The following KCNN2 variants were observed in gnomAD, a reference collection of about 807,000 sequenced individuals.
KCNN2 encodes the protein small conductance calcium-activated potassium channel protein 2.
A neutral mutation model predicts 55.5 loss-of-function variants in KCNN2; 24 were observed. The ratio of observed to expected loss-of-function variants is 0.43; its 90% CI spans 0.31 to 0.61. The LOEUF is 0.61. Ranked by LOEUF, KCNN2 falls within the 20% of genes least tolerant of loss-of-function variation. KCNN2 has a pLI of 0.08. For missense variants in KCNN2, 754 were observed against 853.6 expected, an observed-to-expected ratio of 0.88 and a Z score of 1.45; for synonymous variants, 431 against 336.1, an observed-to-expected ratio of 1.28 and a Z score of -3.09.
At chr5:114,184,504 T>A (rs1753293781) in intron 1 of KCNN2, among the ~76,000 whole-genome samples, 1 of 152,192 alleles carries the variant, frequency 6.6e-6, no homozygotes, top group Non-Finnish European at 1.5e-5. Flanking sequence ...TTCAGAAAAG[T>A]TTGTCATGCT....
At chr5:114,309,855 C>CTA (rs1756362304) in intron 2 of KCNN2, among the ~76,000 whole-genome samples, 2 of 152,078 alleles carry the variant, frequency 1.3e-5, no homozygotes, top group Admixed American at 1.3e-4. Flanking sequence ...TACAGATAGT[C>CTA]TAGAGTCCAA....
At chr5:114,464,809 T>TA (rs36172859) in intron 4 of KCNN2, among the ~76,000 whole-genome samples, 1,559 of 129,900 alleles carry the variant, frequency 0.012, 18 homozygotes, top group African/African-American at 0.033. Flanking sequence ...TAGTGAACTT[T>TA]AAAAAAAAAA....
intron 4 of KCNN2, among the ~76,000 whole-genome samples, chr5:114,463,526 G>A (rs1395589740): frequency 6.6e-6 from 1 of 152,200 alleles, no homozygotes; most frequent in East Asian, 1.9e-4. Context: ...GCAAATTTGA[G>A]TAAATTGTAA....
chr5:114,255,550 TA>T (rs1754964844), intron 2 of KCNN2, among the ~76,000 whole-genome samples: 1 of 152,198 alleles, frequency 6.6e-6, no homozygotes, highest in Non-Finnish European at 1.5e-5. Context: ...AGGAGCCAGA[TA>T]AGGCAGGGCC....
At chr5:114,164,570 G>A (rs956888234) in intron 1 of KCNN2, among the ~76,000 whole-genome samples, 1 of 152,054 alleles carries the variant, frequency 6.6e-6, no homozygotes, top group Non-Finnish European at 1.5e-5. Context: ...CCAAATTCAA[G>A]TTATCCAACA....
intron 1 of KCNN2, 83 bp downstream of exon 1, chr5:114,363,344 C>CG: frequency 7.0e-7 from 1 of 1,427,390 alleles, no homozygotes; most frequent in Non-Finnish European, 9.2e-7. Flanking sequence ...CCTTTGCGTG[C>CG]GGATCCCTAG....
At chr5:114,348,985 C>T (rs1225499795) in intron 2 of KCNN2, among the ~76,000 whole-genome samples, 1 of 128,254 alleles carries the variant, frequency 7.8e-6, no homozygotes, top group African/African-American at 2.5e-5. Flanking sequence ...AGTTACATAA[C>T]CATCACCACA....
intron 2 of KCNN2, among the ~76,000 whole-genome samples, chr5:114,320,246 C>G (rs1208156228): frequency 6.6e-6 from 1 of 152,020 alleles, no homozygotes. Context: ...CAGCCATGTC[C>G]CAGACCTTTT....
At chr5:114,405,809 C>A (rs1262544631) in intron 3 of KCNN2, among the ~76,000 whole-genome samples, 1 of 151,604 alleles carries the variant, frequency 6.6e-6, no homozygotes, top group Non-Finnish European at 1.5e-5. Flanking sequence ...CTCCCAGGTT[C>A]ACACCATTCT....
At chr5:114,389,394 G>C (rs1386969492) in intron 2 of KCNN2, among the ~76,000 whole-genome samples, 1 of 152,176 alleles carries the variant, frequency 6.6e-6, no homozygotes, top group Non-Finnish European at 1.5e-5. Flanking sequence ...TCTGAAGCCA[G>C]ATTGCTTGGG....
At chr5:114,445,464 A>G (rs1011050075) in intron 3 of KCNN2, among the ~76,000 whole-genome samples, 1 of 152,206 alleles carries the variant, frequency 6.6e-6, no homozygotes, top group African/African-American at 2.4e-5. Flanking sequence ...CAAACACTTT[A>G]ATTAAATTGC....
intron 3 of KCNN2, among the ~76,000 whole-genome samples, chr5:114,448,720 C>T (rs1208352933): frequency 6.6e-6 from 1 of 152,208 alleles, no homozygotes; most frequent in Admixed American, 6.5e-5. Context: ...TGTTCTGCTT[C>T]CCTAGAAACA....
intron 2 of KCNN2, among the ~76,000 whole-genome samples, chr5:114,312,826 T>C (rs934024908): frequency 6.6e-6 from 1 of 152,114 alleles, no homozygotes; most frequent in African/African-American, 2.4e-5. Flanking sequence ...TTTAATGTTA[T>C]TGCTATGTAA....
chr5:114,463,678 T>C (rs921891221), intron 4 of KCNN2, among the ~76,000 whole-genome samples: 2 of 152,200 alleles, frequency 1.3e-5, no homozygotes, highest in African/African-American at 2.4e-5. Flanking sequence ...CAAAAGAAGA[T>C]AGAAACTTAC....
chr5:114,400,080 A>G (rs1758740551), intron 2 of KCNN2, among the ~76,000 whole-genome samples: 1 of 151,446 alleles, frequency 6.6e-6, no homozygotes, highest in Admixed American at 6.6e-5. Context: ...TTGATTGTTG[A>G]TCTTTTATAT....
At chr5:114,334,504 TACAC>T (rs1756887801) in intron 2 of KCNN2, among the ~76,000 whole-genome samples, 1 of 152,048 alleles carries the variant, frequency 6.6e-6, no homozygotes, top group South Asian at 2.1e-4. Flanking sequence ...CGCACATACA[TACAC>T]ACATGCATAT....
intron 1 of KCNN2, among the ~76,000 whole-genome samples, chr5:114,147,352 C>G (rs1752419828): frequency 6.6e-6 from 1 of 152,098 alleles, no homozygotes; most frequent in African/African-American, 2.4e-5. Flanking sequence ...CATTTTTTGA[C>G]AAAGGGACCA....
At chr5:114,494,866 C>T (rs1440774087) in intron 7 of KCNN2, among the ~76,000 whole-genome samples, 1 of 152,090 alleles carries the variant, frequency 6.6e-6, no homozygotes, top group East Asian at 1.9e-4. Context: ...ACTCCCTTAT[C>T]AGTTCATTTA....
At chr5:114,324,562 C>G (rs1283747871) in intron 2 of KCNN2, among the ~76,000 whole-genome samples, 1 of 152,264 alleles carries the variant, frequency 6.6e-6, no homozygotes, top group South Asian at 2.1e-4. Context: ...CCCTGTCAGC[C>G]CTGCTGACAT....
Sources: allele counts gnomAD v4.1 joint callset (sites outside exome capture counted in the v4.1 genomes callset), GRCh38; gene constraint gnomAD v4.1.1; transcripts MANE v1.5; gene names NCBI Gene and HGNC (gene_info 2026-07-23, HGNC 2026-07-21).